Variants in TIMP4 observed in about 807,000 individuals in gnomAD.
TIMP4 encodes TIMP metallopeptidase inhibitor 4, also known as metalloproteinase inhibitor 4.
A neutral mutation model predicts 27.3 loss-of-function variants in TIMP4; 28 were observed. The ratio of observed to expected loss-of-function variants is 1.03; its 90% confidence interval spans 0.76 to 1.41. The LOEUF is 1.41. TIMP4 is among the 40% of genes most tolerant of loss of function. TIMP4 has a pLI of 0.00. For missense variants in TIMP4, 307 were observed against 285.5 expected, an observed-to-expected ratio of 1.08 and a Z score of -0.54; for synonymous variants, 138 against 115.5, an observed-to-expected ratio of 1.20 and a Z score of -1.25.
chr3:12,158,652 A>G (rs1276893785), intron 1 of TIMP4, 50 bp downstream of exon 1: 3 of 1,602,842 alleles, frequency 1.9e-6, no homozygotes, highest in Non-Finnish European at 2.5e-6. Context: ...GCCAGATACT[A>G]ATCCCCCACA....
rs1399364875 is a variant in TIMP4, at chr3:12,158,847, G to A, written c.-7C>T. The A allele has an allele frequency of 2.6e-6, 4 of 1,565,674 alleles. No individual in the cohort carries two copies. The Admixed American group carries it at 5.2e-5, about 21-fold the overall frequency. ...GCCGAGGGCTCCCAGGCATGACACT[G>A]CAGATCCGCGACTGAGCCTGTGAGG... On this transcript the variant is annotated 5_prime_UTR_variant, in exon 1 of 5. Transcript: ENST00000287814.
intron 4 of TIMP4, 100 bp downstream of exon 4, chr3:12,154,227 A>G (rs950531974): frequency 6.5e-7 from 1 of 1,539,474 alleles, no homozygotes. Context: ...TACAGTGCAG[A>G]TCTCAAGTAT....
Position 12,158,833 on chromosome 3 carries a change from C to A in TIMP4, c.8G>T (p.Gly3Val). 2.5e-6 allele frequency: 4 copies of A among 1,585,764 alleles called. No homozygotes were observed. The East Asian group carries it at 9.0e-5, about 36-fold the overall frequency. The change falls in exon 1 of 5, where the codon GGG becomes GTG. Residue 3 changes from glycine (G) to valine (V), a missense_variant. Coordinates refer to ENST00000287814, the MANE Select transcript of TIMP4 (RefSeq NM_003256.4). MPGSPRPAPSWVL... is the reference protein window; with the variant it reads MPVSPRPAPSWVL... Reference sequence around the variant, plus strand: ...CCAGCTTGGCGCGGGCCGAGGGCTCCCAGGCATGACACTGCAGATCCGCGA... The same window carrying A: ...CCAGCTTGGCGCGGGCCGAGGGCTCACAGGCATGACACTGCAGATCCGCGA...
intron 1 of TIMP4, among the ~76,000 whole-genome samples, chr3:12,158,223 A>T (rs1271663814): frequency 6.6e-6 from 1 of 152,176 alleles, no homozygotes; most frequent in Non-Finnish European, 1.5e-5. Context: ...GGAGTCTGCC[A>T]GGAATTTAAG....
At position 12,153,203 on chromosome 3, in the gene TIMP4, A is replaced by T; in HGVS notation, c.*312T>A. The T allele has an allele frequency of 2.2e-6, 1 of 445,470 alleles. No homozygotes were observed. The highest frequency in any genetic ancestry group is 4.2e-6 in the Non-Finnish European group (1 of 239,252). 27.6% of individuals were successfully genotyped at this position (445,470 alleles called of 1,614,324 possible). The stretch of plus-strand genomic sequence containing the variant: ...TCCCCTACCAGATCGATTAAGACAA[A>T]GGAAAACACATATTCCTGGGGAGGA... On this transcript the variant is annotated 3_prime_UTR_variant, in exon 5 of 5. Coordinates refer to ENST00000287814, the MANE Select transcript of TIMP4 (RefSeq NM_003256.4).
intron 1 of TIMP4, among the ~76,000 whole-genome samples, chr3:12,158,159 C>A (rs950150050): frequency 8.5e-5 from 13 of 152,232 alleles, no homozygotes; most frequent in African/African-American, 2.2e-4. Flanking sequence ...ACCAAGGAGC[C>A]CGGGAGCCTG....
rs1237304581 is a variant in TIMP4 at position 12,158,702 on chromosome 3, C to A, written c.139G>T (p.Val47Leu). The A allele has an allele frequency of 1.2e-6, 2 of 1,610,326 alleles. No individual in the cohort carries two copies. The highest frequency in any genetic ancestry group is 2.2e-5 in the South Asian group (2 of 91,048). The change falls in exon 1 of 5, where the codon GTG becomes TTG. Residue 47 changes from valine (V) to leucine (L), a missense_variant and splice_region_variant. By Grantham distance (32) the Val-to-Leu change is conservative. Transcript: ENST00000287814. The part of the protein sequence containing the change: ...PQQHICHSAL[V>L]IRAKISSEKV... ...TGGACCTCGCGGACCTCGGACTCAC[C>A]AAGTGCCGAGTGGCAGATGTGCTGC...
intron 2 of TIMP4, 90 bp downstream of exon 2, chr3:12,157,295 C>G: frequency 8.1e-7 from 1 of 1,237,152 alleles, no homozygotes; most frequent in Non-Finnish European, 1.2e-6. Context: ...CTGAGCCAGG[C>G]CACCTGAAAG....
At chr3:12,157,743 G>A (rs1221859312) in intron 1 of TIMP4, among the ~76,000 whole-genome samples, 4 of 152,206 alleles carry the variant, frequency 2.6e-5, no homozygotes, top group Non-Finnish European at 5.9e-5. Flanking sequence ...AGTCTGGAGA[G>A]CTCTAGTTCT....
chr3:12,154,484 AG>A, intron 3 of TIMP4, 33 bp from the exon 4 acceptor site: 1 of 1,609,744 alleles, frequency 6.2e-7, no homozygotes, highest in Admixed American at 1.7e-5. Context: ...GTCAAGCATC[AG>A]GATTCTTCTC....
intron 3 of TIMP4, 53 bp downstream of exon 3, chr3:12,156,767 C>A: frequency 4.8e-6 from 7 of 1,465,130 alleles, no homozygotes; most frequent in South Asian, 1.1e-5. Flanking sequence ...CTCACTACCT[C>A]CCCTAGGGCA....
At position 12,153,589 on chromosome 3, in the gene TIMP4, CA is replaced by C; in HGVS notation, c.600del (p.His200GlnfsTer30). The C allele has an allele frequency of 6.2e-7, 1 of 1,614,168 alleles. No homozygotes were observed. Among genetic ancestry groups the C allele is most frequent in the Non-Finnish European group, 8.5e-7 (1 of 1,180,008 alleles). ...YQAQHYVCMK[H>X]VDGTCSWYRG... ...CGGTACCAGCTGCAGGTGCCGTCAA[CA>C]TGCTTCATACAGACATAATGCTGAG... On this transcript the variant is annotated frameshift_variant, in exon 5 of 5. Transcript: ENST00000287814. LOFTEE classifies it high-confidence loss of function.
chr3:12,158,725 T>G lies in TIMP4; in HGVS notation c.116A>C (p.Gln39Pro), dbSNP rs759278916. The change falls in exon 1 of 5, where the codon CAG (glutamine) becomes CCG (proline). Residue 39 changes from glutamine (Q) to proline (P), a missense_variant. Transcript: ENST00000287814. ...ACCAAGTGCCGAGTGGCAGATGTGCTGCTGAGGGTGCGCCGGGGCGCAGCT... is the reference window on the plus strand; with the variant it reads ...ACCAAGTGCCGAGTGGCAGATGTGCGGCTGAGGGTGCGCCGGGGCGCAGCT... ...ACSCAPAHPQ[Q>P]HICHSALVIR... The G allele has an allele frequency of 5.6e-6, 9 of 1,610,068 alleles. No homozygotes were observed. The highest frequency in any genetic ancestry group is 7.6e-6 in the Non-Finnish European group (9 of 1,179,720).
rs1381782624 is a variant in TIMP4, at chr3:12,153,577, A to G, written c.613T>C (p.Cys205Arg). The change falls in exon 5 of 5, where the codon TGC (cysteine) becomes CGC (arginine). Residue 205 changes from cysteine to arginine, a missense_variant. By Grantham distance (180) the Cys-to-Arg change is radical (BLOSUM62 -3). Transcript: ENST00000287814. ...GGCAGGTGGCCCCGGTACCAGCTGC[A>G]GGTGCCGTCAACATGCTTCATACAG... ...YVCMKHVDGT[C>R]SWYRGHLPLR... 1.2e-6 allele frequency: 2 copies of G among 1,614,132 alleles called. No homozygotes were observed. The highest frequency in any genetic ancestry group is 4.5e-5 in the East Asian group (2 of 44,884).
intron 1 of TIMP4, among the ~76,000 whole-genome samples, chr3:12,157,762 G>A (rs975097458): frequency 1.3e-5 from 2 of 152,174 alleles, no homozygotes; most frequent in African/African-American, 4.8e-5. Context: ...CTCCATAGCC[G>A]TTTGTGCAGT....
chr3:12,158,061 A>C (rs1697509775), intron 1 of TIMP4, among the ~76,000 whole-genome samples: 1 of 152,154 alleles, frequency 6.6e-6, no homozygotes, highest in South Asian at 2.1e-4. Flanking sequence ...CATCCTGCCG[A>C]GCTCTTGATC....
chr3:12,153,861 C>G, intron 4 of TIMP4, 149 bp from the exon 5 acceptor site: 1 of 877,272 alleles, frequency 1.1e-6, no homozygotes, highest in Non-Finnish European at 1.7e-6. Flanking sequence ...CTCCTGGATT[C>G]TCCTTCCCCA....
At chr3:12,153,870 C>T (rs112737533) in intron 4 of TIMP4, among the ~76,000 whole-genome samples, 158 bp from the exon 5 acceptor site, 43 of 152,284 alleles carry the variant, frequency 2.8e-4, no homozygotes, top group African/African-American at 1.0e-3. Flanking sequence ...TCTCCTTCCC[C>T]AAGGTTCCCC....
chr3:12,156,932 C>T lies in TIMP4; in HGVS notation c.240G>A (p.Met80Ile). ...CCTTGACTTTCTCAAACCCTTTGAA[C>T]ATCTGACAGGCAATTACAAAAAAAG... is the stretch of plus-strand genomic sequence containing the variant. ...MLRYEIKQIK[M>I]FKGFEKVKDV... The change falls in exon 3 of 5, where the codon ATG becomes ATA. Residue 80 changes from methionine (M) to isoleucine (I), a missense_variant and splice_region_variant. By Grantham distance (10) the Met-to-Ile change is conservative (BLOSUM62 1). Transcript: ENST00000287814. 6.2e-7 allele frequency: 1 copy of T among 1,612,256 alleles called. No homozygotes were observed. The highest frequency in any genetic ancestry group is 8.5e-7 in the Non-Finnish European group (1 of 1,178,372).
Sources: gnomAD v4.1 joint callset for allele counts (sites outside exome capture counted in the v4.1 genomes callset) on GRCh38, gnomAD v4.1.1 for gene constraint, MANE v1.5 for transcripts, NCBI Gene and HGNC (gene_info 2026-07-23, HGNC 2026-07-21) for gene names.